KANSL3: variants seen among roughly 807,000 people sequenced by gnomAD.
KANSL3 encodes KAT8 regulatory NSL complex subunit 3.
Under a neutral mutation model 89.2 loss-of-function variants are expected in KANSL3, and 16 were observed. The observed-to-expected ratio is 0.18, with a 90% CI of 0.12 to 0.27. KANSL3 has a LOEUF of 0.27. KANSL3 is among the 10% of genes least tolerant of loss of function. The probability of loss-of-function intolerance (pLI) is 1.00; values close to 1 mark genes in which losing one functional copy is unlikely to be tolerated. For synonymous variants in KANSL3, 385 were observed against 419.7 expected, an observed-to-expected ratio of 0.92 and a Z score of 1.01; for missense variants, 879 against 1,110.6, an observed-to-expected ratio of 0.79 and a Z score of 2.96.
Position 96,594,297 on chromosome 2 carries a change from C to T in KANSL3, c.*1314G>A, listed in dbSNP as rs2066391951. ...TGGGTTGCCTAATTTATTACCTTAACTAGAAACATTCTAAGTATGGGAGCC... is the reference window on the plus strand; with the variant it reads ...TGGGTTGCCTAATTTATTACCTTAATTAGAAACATTCTAAGTATGGGAGCC... On this transcript the variant is annotated 3_prime_UTR_variant, in exon 21 of 21. Transcript: ENST00000431828. 6.6e-6 allele frequency: 1 copy of T among 152,240 alleles called. No individual in the cohort carries two copies. Among genetic ancestry groups the T allele is most frequent in the African/African-American group, 2.4e-5 (1 of 41,454 alleles). The allele number at this position is 152,240 out of a possible 1,614,324, so 9.4% of individuals were successfully genotyped here. A position where few individuals can be genotyped will look rare whatever the true frequency, so the allele number is the denominator to read the frequency against.
At position 96,595,544 on chromosome 2, in the gene KANSL3, C is replaced by T. The variant is rs568859141; in HGVS notation, c.*67G>A. 39 of 1,577,930 alleles carry T rather than the reference C, an allele frequency of 2.5e-5. No homozygotes were observed. The South Asian group carries it at 4.3e-4, about 17-fold the overall frequency. ...GTGGACAGCTCAGCAGGACCACACA[C>T]CTGTCCAGGGCCCACCATGAGGCAG... is the stretch of plus-strand genomic sequence containing the variant. On this transcript the variant is annotated 3_prime_UTR_variant, in exon 21 of 21. Transcript: ENST00000431828.
At chr2:96,624,130 T>A (rs2071848928) in intron 3 of KANSL3, among the ~76,000 whole-genome samples, 1 of 152,250 alleles carries the variant, frequency 6.6e-6, no homozygotes, top group Non-Finnish European at 1.5e-5. Context: ...CAACTCAATG[T>A]TGGGACTCAG....
In KANSL3 at chr2:96,619,523, G is replaced by A. The variant is rs372163152; in HGVS notation, c.499C>T (p.Arg167Cys). The A allele has an allele frequency of 1.2e-6, 2 of 1,613,882 alleles. No individual in the cohort carries two copies. Among genetic ancestry groups the A allele is most frequent in the Non-Finnish European group, 1.7e-6 (2 of 1,179,764 alleles). The change falls in exon 5 of 21, where the codon CGC becomes TGC. Residue 167 changes from arginine (R) to cysteine (C), a missense_variant. This residue lies in a region of KANSL3 where 210 missense variants were observed against 311.9 expected (regional missense o/e 0.67). Coordinates refer to ENST00000431828, the MANE Select transcript of KANSL3 (RefSeq NM_001115016.3). ...NEGACNEPVL[R>C]RVAVDKCARR... ...GCACACTTGTCCACAGCAACACGGC[G>A]CAGCACTGGCTCATTACAAGCCTGA... is the stretch of plus-strand genomic sequence containing the variant.
chr2:96,585,803 G>C, the KANSL3 span, among the ~76,000 whole-genome samples: 7 of 152,104 alleles, frequency 4.6e-5, no homozygotes, highest in African/African-American at 1.7e-4. Flanking sequence ...CAAAATAATG[G>C]CATTTGCACC....
At chr2:96,624,226 T>G (rs903227355) in intron 3 of KANSL3, among the ~76,000 whole-genome samples, 12 of 152,322 alleles carry the variant, frequency 7.9e-5, no homozygotes, top group African/African-American at 2.6e-4. Context: ...ATTACTTAGA[T>G]GCACAGCAGA....
chr2:96,606,061 C>G (rs2067932144), intron 14 of KANSL3: 1 of 152,376 alleles, frequency 6.6e-6, no homozygotes, highest in Non-Finnish European at 1.5e-5. Context: ...CCTAAGAGCC[C>G]ACAGTTGAGG....
intron 18 of KANSL3, 133 bp downstream of exon 18, chr2:96,602,620 T>C: frequency 1.4e-6 from 1 of 716,062 alleles, no homozygotes; most frequent in Non-Finnish European, 2.3e-6. Flanking sequence ...TTTTGTAAGT[T>C]CCCTGCTATG....
Position 96,595,429 on chromosome 2 carries a change from T to C in KANSL3, c.*182A>G. On this transcript the variant is annotated 3_prime_UTR_variant, in exon 21 of 21. Transcript: ENST00000431828. ...AGATCCTGGACGATGGTGCTTCCCT[T>C]GCTGGCACCGTATCACCTAACCTAA... is the stretch of plus-strand genomic sequence containing the variant. 1 of 580,294 alleles carries C rather than the reference T, an allele frequency of 1.7e-6. No individual in the cohort carries two copies. Among genetic ancestry groups the C allele is most frequent in the South Asian group, 2.3e-5 (1 of 44,274 alleles). The allele number at this position is 580,294 out of a possible 1,614,324, so 35.9% of individuals were successfully genotyped here.
In KANSL3 at chr2:96,594,798, C is replaced by G. The variant is rs1393044239; in HGVS notation, c.*813G>C. 1 of 152,236 alleles carries G rather than the reference C, an allele frequency of 6.6e-6. No homozygotes were observed. Among genetic ancestry groups the G allele is most frequent in the African/African-American group, 2.4e-5 (1 of 41,456 alleles). 9.4% of individuals were successfully genotyped at this position (152,236 alleles called of 1,614,324 possible). A position where few individuals can be genotyped will look rare whatever the true frequency, so the allele number is the denominator to read the frequency against. ...ACTAGCACATCCTTCAAGCCACTTC[C>G]TTTGCTGTTCTATTACTCTTCTTCA... On this transcript the variant is annotated 3_prime_UTR_variant, in exon 21 of 21. Transcript: ENST00000431828.
At chr2:96,601,398 A>G (rs2067165295) in intron 20 of KANSL3, 5 of 985,240 alleles carry the variant, frequency 5.1e-6, no homozygotes, top group Non-Finnish European at 6.0e-6. Flanking sequence ...TAAATACTAG[A>G]CACTGCTACC....
Position 96,612,884 on chromosome 2 carries a change from G to A in KANSL3, c.846C>T (p.Ser282=), listed in dbSNP as rs1443398757. The change falls in exon 7 of 21, where the codon TCC becomes TCT. Residue 282 remains serine (S), a synonymous_variant. Coordinates refer to ENST00000431828, the MANE Select transcript of KANSL3 (RefSeq NM_001115016.3). ...PLILIASSGP[S]SSVFPTSRRH... is the part of the protein sequence containing the mutation. ...GGCGTGAAGTGGGAAACACAGAGCTGGAGGGACCAGAGGAGGCGATGAGAA... is the reference window on the plus strand; with the variant it reads ...GGCGTGAAGTGGGAAACACAGAGCTAGAGGGACCAGAGGAGGCGATGAGAA... 6.4e-7 allele frequency: 1 copy of A among 1,571,992 alleles called. No homozygotes were observed. Among genetic ancestry groups the A allele is most frequent in the Non-Finnish European group, 8.6e-7 (1 of 1,158,802 alleles).
At chr2:96,601,917 T>A in intron 19 of KANSL3, 141 bp from the exon 20 acceptor site, 1 of 1,334,822 alleles carries the variant, frequency 7.5e-7, no homozygotes, top group Non-Finnish European at 1.0e-6. Flanking sequence ...GCCCTATCAG[T>A]CAATCTGAAA....
intron 14 of KANSL3, among the ~76,000 whole-genome samples, chr2:96,608,017 G>A (rs1045831370): frequency 6.6e-5 from 10 of 152,042 alleles, no homozygotes; most frequent in Non-Finnish European, 1.2e-4. Context: ...TCTTACTTTC[G>A]ACTATAGGAA....
At chr2:96,583,450 A>G in the KANSL3 span, among the ~76,000 whole-genome samples, 1 of 152,156 alleles carries the variant, frequency 6.6e-6, no homozygotes, top group Admixed American at 6.5e-5. Flanking sequence ...TCTCTCAATC[A>G]TGATCTGACT....
intron 7 of KANSL3, 115 bp downstream of exon 7, chr2:96,612,703 G>C (rs2069223973): frequency 1.8e-6 from 2 of 1,084,626 alleles, no homozygotes; most frequent in Admixed American, 4.0e-5. Context: ...AGAAGGGTTA[G>C]AGGAGGCTCC....
the KANSL3 span, among the ~76,000 whole-genome samples, chr2:96,584,287 A>T: frequency 6.6e-6 from 1 of 152,144 alleles, no homozygotes; most frequent in Admixed American, 6.5e-5. Flanking sequence ...AATTGCTTAG[A>T]TTACAGGCAT....
intron 7 of KANSL3, 46 bp downstream of exon 7, chr2:96,612,772 A>G: frequency 6.9e-7 from 1 of 1,439,086 alleles, no homozygotes; most frequent in African/African-American, 1.4e-5. Flanking sequence ...ATCCTCCAAG[A>G]CTATATTCCC....
intron 3 of KANSL3, among the ~76,000 whole-genome samples, chr2:96,623,958 C>G (rs557997992): frequency 3.3e-5 from 5 of 152,340 alleles, no homozygotes; most frequent in South Asian, 2.1e-4. Flanking sequence ...TTTGTAACCC[C>G]CTTTTGGGGG....
chr2:96,608,779 A>G, intron 13 of KANSL3, 85 bp downstream of exon 13: 1 of 1,530,826 alleles, frequency 6.5e-7, no homozygotes, highest in Non-Finnish European at 8.8e-7. Flanking sequence ...GGCACTAATA[A>G]GACAGAGGCA....
Sources: gnomAD v4.1 joint callset for allele counts (sites outside exome capture counted in the v4.1 genomes callset) on GRCh38, gnomAD v4.1.1 for gene constraint, gnomAD v4.1.1 regional missense constraint, MANE v1.5 for transcripts, NCBI Gene and HGNC (gene_info 2026-07-23, HGNC 2026-07-21) for gene names.